Variants in SAG observed in about 807,000 individuals in gnomAD.
SAG encodes the protein S-arrestin.
SAG carries 45 observed loss-of-function variants against 55.0 expected under a neutral mutation model. The observed-to-expected ratio is 0.82, with a 90% confidence interval of 0.64 to 1.05. The LOEUF is 1.05. Among genes scored for constraint, SAG ranks in the 50% least tolerant of loss-of-function variants. The probability of loss-of-function intolerance (pLI) is 0.00; values close to 1 mark genes in which losing one functional copy is unlikely to be tolerated. For synonymous variants in SAG, 189 were observed against 197.4 expected (o/e 0.96, Z 0.36); for missense variants, 455 against 512.1 (o/e 0.89, Z 1.08).
chr2:233,308,202 A>G (rs550077637), intron 1 of SAG, among the ~76,000 whole-genome samples, 180 bp downstream of exon 1: 17 of 152,330 alleles, frequency 1.1e-4, no homozygotes, highest in Non-Finnish European at 1.9e-4. Context: ...GCTCATGCCT[A>G]TAGTCCCAGT....
intron 11 of SAG, 90 bp from the exon 12 acceptor site, chr2:233,338,586 G>A (rs907517442): frequency 3.2e-5 from 37 of 1,144,392 alleles, no homozygotes; most frequent in African/African-American, 1.1e-4. Flanking sequence ...CCTCCATGAC[G>A]GCATGCCTGC....
chr2:233,333,104 A>G (rs1002574178), intron 10 of SAG: 1 of 152,248 alleles, frequency 6.6e-6, no homozygotes, highest in Admixed American at 6.5e-5. Context: ...CCTATATGGG[A>G]ATATTTAAAA....
intron 6 of SAG, among the ~76,000 whole-genome samples, chr2:233,326,587 A>C (rs1378171499): frequency 8.6e-6 from 1 of 115,620 alleles, no homozygotes; most frequent in African/African-American, 3.4e-5. Flanking sequence ...CTCCATCTCC[A>C]AAAAAAAAAA....
chr2:233,346,268 TCTAGGC>T (rs779088451), intron 14 of SAG, 129 bp from the exon 15 acceptor site: 153 of 899,992 alleles, frequency 1.7e-4, no homozygotes, highest in Non-Finnish European at 2.6e-4. Flanking sequence ...ACTGCATGTA[TCTAGGC>T]CTTATCTCTC....
chr2:233,335,172 C>T, intron 11 of SAG, 73 bp downstream of exon 11: 1 of 1,543,210 alleles, frequency 6.5e-7, no homozygotes, highest in East Asian at 2.3e-5. Context: ...TTCACATCAC[C>T]CTGCTGGGCT....
intron 11 of SAG, among the ~76,000 whole-genome samples, chr2:233,336,503 G>C (rs1280353722): frequency 6.7e-6 from 1 of 148,820 alleles, no homozygotes. Context: ...GACAGAGCAA[G>C]ACTCCATCTC....
At position 233,328,576 on chromosome 2, in the gene SAG, A is replaced by T; in HGVS notation, c.611A>T (p.Asp204Val). 6.2e-7 allele frequency: 1 copy of T among 1,613,896 alleles called. No individual in the cohort carries two copies. Among genetic ancestry groups the T allele is most frequent in the Non-Finnish European group, 8.5e-7 (1 of 1,179,824 alleles). The change falls in exon 8 of 16, where the codon GAC becomes GTC. Residue 204 changes from aspartate to valine, a missense_variant. Coordinates refer to ENST00000409110, the MANE Select transcript of SAG (RefSeq NM_000541.5). ...AEAAWQFFMS[D>V]KPLHLAVSLN... ...GCGGCCTGGCAGTTCTTCATGTCTG[A>T]CAAGCCCCTGCACCTTGCGGTCTCT... is the stretch of plus-strand genomic sequence containing the variant.
intron 14 of SAG, chr2:233,342,659 A>T: frequency 4.0e-6 from 1 of 251,732 alleles, no homozygotes; most frequent in Non-Finnish European, 7.5e-6. Flanking sequence ...AAGATGATTT[A>T]GGTAAAAACT....
intron 10 of SAG, chr2:233,333,536 C>A (rs1030114865): frequency 6.6e-6 from 1 of 152,250 alleles, no homozygotes; most frequent in Admixed American, 6.5e-5. Context: ...CAGGAGCCAT[C>A]GTCCCAGAGC....
At chr2:233,341,866 C>A (rs577043746) in intron 13 of SAG, among the ~76,000 whole-genome samples, 2 of 152,314 alleles carry the variant, frequency 1.3e-5, no homozygotes, top group East Asian at 3.9e-4. Flanking sequence ...TGCCTATAAT[C>A]CTAGCACTTT....
chr2:233,316,328 T>C (rs1004411125), intron 3 of SAG, among the ~76,000 whole-genome samples, 193 bp downstream of exon 3: 4 of 152,166 alleles, frequency 2.6e-5, no homozygotes, highest in Admixed American at 6.5e-5. Context: ...TTTATTTTTT[T>C]GAGATGGAGT....
chr2:233,328,474 A>T lies in SAG; in HGVS notation c.513-4A>T, dbSNP rs779733152. On this transcript the variant is annotated splice_region_variant and splice_polypyrimidine_tract_variant and intron_variant, in intron 7 of 15. Transcript: ENST00000409110. ...CCTGGCTTGTCTGTGGCTGTTTCCC[A>T]CAGGAGCTCCGTGCGATTACTGATC... The T allele has an allele frequency of 2.5e-6, 4 of 1,611,252 alleles. No homozygotes were observed. The highest frequency in any genetic ancestry group is 1.7e-6 in the Non-Finnish European group (2 of 1,177,802).
At chr2:233,312,869 C>T (rs1700113557) in intron 2 of SAG, among the ~76,000 whole-genome samples, 1 of 152,216 alleles carries the variant, frequency 6.6e-6, no homozygotes, top group African/African-American at 2.4e-5. Flanking sequence ...TCCTCCCCAC[C>T]AGCCTTTGCC....
intron 11 of SAG, 137 bp from the exon 12 acceptor site, chr2:233,338,539 C>T (rs1701006771): frequency 4.1e-6 from 3 of 737,588 alleles, no homozygotes; most frequent in Non-Finnish European, 7.1e-6. Context: ...ACTTCTAGGA[C>T]TTTGGAAGCT....
At chr2:233,335,749 G>A (rs3828307) in intron 11 of SAG, among the ~76,000 whole-genome samples, 9,909 of 152,318 alleles carry the variant, frequency 0.065, 392 homozygotes, top group South Asian at 0.11. Context: ...AGACTATACA[G>A]TGAAGTTCCC....
intron 3 of SAG, among the ~76,000 whole-genome samples, chr2:233,316,966 A>C (rs1288706836): frequency 1.3e-5 from 2 of 152,090 alleles, no homozygotes; most frequent in African/African-American, 2.4e-5. Flanking sequence ...GGCCCAAGCG[A>C]TCCTCCGACC....
chr2:233,344,935 T>G (rs1701207032), intron 14 of SAG: 1 of 152,234 alleles, frequency 6.6e-6, no homozygotes, highest in Admixed American at 6.5e-5. Context: ...GCAAGGCTGA[T>G]GGTCCCGCTT....
At chr2:233,337,217 A>T (rs905570105) in intron 11 of SAG, among the ~76,000 whole-genome samples, 6 of 149,992 alleles carry the variant, frequency 4.0e-5, no homozygotes, top group Non-Finnish European at 7.4e-5. Context: ...CCAGATAAAG[A>T]TATTCTGTCC....
In SAG at chr2:233,319,431, C is replaced by T; in HGVS notation, c.181+636C>T. ...TTGTTACTAATAACAGTTGCATAAA[C>T]CAAATTAGAACAGATTCCAGCTATC... On this transcript the variant is annotated intron_variant, in intron 4 of 15. Coordinates refer to ENST00000409110, the MANE Select transcript of SAG (RefSeq NM_000541.5). This position sits in a 1 kb window ranked among gnomAD's most constrained non-coding sequence, Gnocchi z 4.4. 1 of 341,276 alleles carries T rather than the reference C, an allele frequency of 2.9e-6. No homozygotes were observed. Among genetic ancestry groups the T allele is most frequent in the Non-Finnish European group, 4.3e-6 (1 of 232,356 alleles). The allele number at this position is 341,276 out of a possible 1,614,324, so 21.1% of individuals were successfully genotyped here.
Sources: gnomAD v4.1 joint callset for allele counts (sites outside exome capture counted in the v4.1 genomes callset) on GRCh38, gnomAD v4.1.1 for gene constraint, Gnocchi (gnomAD v3.1) non-coding constraint, MANE v1.5 for transcripts, NCBI Gene and HGNC (gene_info 2026-07-23, HGNC 2026-07-21) for gene names.